The following RGS6 variants were observed in gnomAD, a reference collection of about 807,000 sequenced individuals.
RGS6 encodes regulator of G protein signaling 6.
In RGS6, 30 loss-of-function variants were observed where a neutral mutation model predicts 78.5. That is an observed-to-expected ratio of 0.38 (90% CI 0.29 to 0.52). RGS6 has a LOEUF of 0.52. Among genes scored for constraint, RGS6 ranks in the 20% least tolerant of loss-of-function variants. RGS6 has a pLI of 0.85. For synonymous variants in RGS6, 206 were observed against 206.0 expected, an observed-to-expected ratio of 1.00 and a Z score of 0.00; for missense variants, 495 against 609.7, an observed-to-expected ratio of 0.81 and a Z score of 1.98.
intron 2 of RGS6, among the ~76,000 whole-genome samples, chr14:72,316,229 T>C (rs544780334): frequency 6.6e-6 from 1 of 152,118 alleles, no homozygotes; most frequent in Admixed American, 6.5e-5. Flanking sequence ...CTTTTGTCTT[T>C]TTATTTTTTT....
At chr14:72,264,927 T>A (rs1407850057) in intron 2 of RGS6, among the ~76,000 whole-genome samples, 1 of 152,236 alleles carries the variant, frequency 6.6e-6, no homozygotes, top group African/African-American at 2.4e-5. Context: ...CACGTTCTGG[T>A]GCTTGGCAGC....
Position 72,465,838 on chromosome 14 carries a change from T to C in RGS6, c.459+16T>C, listed in dbSNP as rs1307196074. 6.2e-7 allele frequency: 1 copy of C among 1,603,042 alleles called. No homozygotes were observed. On this transcript the variant is annotated intron_variant, in intron 7 of 17. Coordinates refer to ENST00000553525, the MANE Select transcript of RGS6 (RefSeq NM_001204424.2). Reference sequence around the variant, plus strand: ...TTATGAAGCAGTAAGTATGATTATTTTCCAGGATACATATAAGAAGAGAGT... The same window carrying C: ...TTATGAAGCAGTAAGTATGATTATTCTCCAGGATACATATAAGAAGAGAGT...
At chr14:72,237,132 G>A (rs763094220) in intron 2 of RGS6, among the ~76,000 whole-genome samples, 15 of 152,086 alleles carry the variant, frequency 9.9e-5, no homozygotes, top group South Asian at 2.1e-4. Flanking sequence ...ACTTTTTCAC[G>A]CAGCACATTT....
intron 17 of RGS6, among the ~76,000 whole-genome samples, chr14:72,562,186 T>C (rs1336396870): frequency 2.0e-5 from 3 of 152,158 alleles, no homozygotes; most frequent in African/African-American, 2.4e-5. Context: ...CACACCCTCA[T>C]AAGGGGACCC....
intron 2 of RGS6, among the ~76,000 whole-genome samples, chr14:72,236,268 G>A (rs2050994556): frequency 2.0e-5 from 3 of 152,018 alleles, no homozygotes; most frequent in Admixed American, 2.0e-4. Context: ...TTCATCACTG[G>A]CTATCCATGT....
chr14:71,921,982 C>T, the RGS6 span, among the ~76,000 whole-genome samples: 5 of 152,184 alleles, frequency 3.3e-5, no homozygotes, highest in African/African-American at 9.7e-5. Flanking sequence ...GTCACTGCCA[C>T]GGGAATTTCT....
intron 2 of RGS6, among the ~76,000 whole-genome samples, chr14:72,284,868 C>G (rs762192213): frequency 6.6e-6 from 1 of 152,228 alleles, no homozygotes; most frequent in African/African-American, 2.4e-5. Context: ...TAGGAACCCA[C>G]CTCTTGCATC....
chr14:72,345,771 G>A (rs1007131719), intron 2 of RGS6, among the ~76,000 whole-genome samples: 1 of 152,192 alleles, frequency 6.6e-6, no homozygotes, highest in Admixed American at 6.5e-5. Flanking sequence ...CTTGGTAGGT[G>A]CTCAGTGAAT....
chr14:72,363,528 C>T (rs1018769057), intron 3 of RGS6, among the ~76,000 whole-genome samples: 1 of 152,128 alleles, frequency 6.6e-6, no homozygotes, highest in African/African-American at 2.4e-5. Flanking sequence ...TCTGGGCCAC[C>T]CGTGTAAGGA....
intron 3 of RGS6, among the ~76,000 whole-genome samples, chr14:72,360,802 C>G (rs998098398): frequency 1.3e-5 from 2 of 152,238 alleles, no homozygotes; most frequent in African/African-American, 4.8e-5. Flanking sequence ...TGTGTCCCCA[C>G]TCTGATTTCA....
chr14:71,960,004 C>T (rs1389821570), intron 1 of RGS6, among the ~76,000 whole-genome samples: 1 of 152,182 alleles, frequency 6.6e-6, no homozygotes, highest in South Asian at 2.1e-4. Flanking sequence ...TTTTCCTATA[C>T]CATCGAGGCC....
chr14:72,502,973 A>G (rs994129564), intron 13 of RGS6, among the ~76,000 whole-genome samples: 2 of 152,190 alleles, frequency 1.3e-5, no homozygotes, highest in Non-Finnish European at 2.9e-5. Context: ...TAGTCTGTTC[A>G]GGCTGCTACA....
At chr14:72,083,626 A>C (rs569035928) in intron 2 of RGS6, among the ~76,000 whole-genome samples, 3 of 152,304 alleles carry the variant, frequency 2.0e-5, no homozygotes, top group Non-Finnish European at 1.5e-5. Context: ...CAGAAAGGGA[A>C]GCTCGGATTT....
intron 4 of RGS6, among the ~76,000 whole-genome samples, chr14:72,457,920 G>T (rs1262884954): frequency 6.6e-6 from 1 of 152,190 alleles, no homozygotes; most frequent in Non-Finnish European, 1.5e-5. Context: ...TATTTGACCT[G>T]TACCAGACAA....
At chr14:72,078,915 C>T (rs1232006864) in intron 2 of RGS6, among the ~76,000 whole-genome samples, 1 of 152,140 alleles carries the variant, frequency 6.6e-6, no homozygotes, top group Non-Finnish European at 1.5e-5. Context: ...TTTTCTCCTT[C>T]TATACTTGTA....
chr14:72,612,713 A>G, the RGS6 span: 30 of 454,538 alleles, frequency 6.6e-5, no homozygotes, highest in African/African-American at 5.2e-4. Flanking sequence ...CATCCCTTTG[A>G]TAGCAGAATT....
Position 71,936,482 on chromosome 14 carries a change from A to G in RGS6, c.-21+3541A>G, listed in dbSNP as rs115664108. ...CAGGATCAATACTCTGTATCTCTCA[A>G]TGCAATCAAGGTGACACTCAGTATT... On this transcript the variant is annotated intron_variant, in intron 1 of 17. Transcript: ENST00000553525. 7.0e-3 allele frequency among the ~76,000 whole-genome samples: 1,071 copies of G among 152,256 alleles called. 11 individuals are homozygous for G. The highest frequency in any genetic ancestry group is 0.024 in the African/African-American group (1,014 of 41,528).
chr14:72,015,090 G>T (rs1444932262), intron 2 of RGS6, among the ~76,000 whole-genome samples: 1 of 152,180 alleles, frequency 6.6e-6, no homozygotes, highest in Non-Finnish European at 1.5e-5. Context: ...AAGTTCATTT[G>T]GTTCCTGGTT....
intron 6 of RGS6, among the ~76,000 whole-genome samples, chr14:72,462,291 C>A (rs1004862228): frequency 6.6e-6 from 1 of 152,070 alleles, no homozygotes; most frequent in Non-Finnish European, 1.5e-5. Context: ...TGATGAATGA[C>A]TGAGAAGGCT....
Sources: allele counts gnomAD v4.1 joint callset (sites outside exome capture counted in the v4.1 genomes callset), GRCh38; gene constraint gnomAD v4.1.1; transcripts MANE v1.5; gene names NCBI Gene and HGNC (gene_info 2026-07-23, HGNC 2026-07-21).